Variants in GRM7 observed in about 807,000 individuals in gnomAD.
GRM7 encodes glutamate metabotropic receptor 7, also known as metabotropic glutamate receptor 7.
Under a neutral mutation model 84.5 loss-of-function variants are expected in GRM7, and 35 were observed. The observed-to-expected ratio is 0.41, with a 90% CI of 0.32 to 0.55. GRM7 has a LOEUF of 0.55. GRM7 is among the 20% of genes least tolerant of loss of function. GRM7 has a pLI of 0.19. For synonymous variants in GRM7, 487 were observed against 455.1 expected (o/e 1.07, Z -0.89); for missense variants, 1,003 against 1,194.6 (o/e 0.84, Z 2.36).
intron 5 of GRM7, among the ~76,000 whole-genome samples, chr3:7,450,423 C>G (rs1211594962): frequency 2.0e-5 from 3 of 152,122 alleles, no homozygotes; most frequent in African/African-American, 7.2e-5. Flanking sequence ...AACTCCTCCA[C>G]TTCTCAAAAT....
intron 7 of GRM7, among the ~76,000 whole-genome samples, chr3:7,565,283 G>A (rs1362530866): frequency 1.3e-5 from 2 of 152,100 alleles, no homozygotes; most frequent in African/African-American, 4.8e-5. Flanking sequence ...CAATTCAATT[G>A]CATTTCTTCC....
chr3:7,042,807 C>T (rs1184388262), intron 1 of GRM7, among the ~76,000 whole-genome samples: 5 of 152,052 alleles, frequency 3.3e-5, no homozygotes, highest in Non-Finnish European at 7.4e-5. Context: ...TTATTTTCCT[C>T]CCAAATATTG....
intron 9 of GRM7, among the ~76,000 whole-genome samples, chr3:7,712,320 G>C (rs758475001): frequency 6.6e-6 from 1 of 152,160 alleles, no homozygotes; most frequent in Non-Finnish European, 1.5e-5. Flanking sequence ...AACATAGGTT[G>C]GGTGGGGGCT....
intron 1 of GRM7, among the ~76,000 whole-genome samples, chr3:7,104,479 T>G (rs988853144): frequency 6.6e-6 from 1 of 151,820 alleles, no homozygotes; most frequent in Non-Finnish European, 1.5e-5. Flanking sequence ...TATTTTCTCT[T>G]TATAAATTAT....
chr3:7,267,808 T>C (rs565226464), intron 2 of GRM7, among the ~76,000 whole-genome samples: 6 of 152,320 alleles, frequency 3.9e-5, no homozygotes, highest in Admixed American at 1.3e-4. Context: ...TGGTGAGTTT[T>C]GGCTCTTTGC....
intron 9 of GRM7, among the ~76,000 whole-genome samples, chr3:7,727,507 A>G (rs1702170052): frequency 6.6e-6 from 1 of 152,196 alleles, no homozygotes; most frequent in African/African-American, 2.4e-5. Flanking sequence ...ACAAATGTAT[A>G]TGAAATATAA....
intron 4 of GRM7, among the ~76,000 whole-genome samples, chr3:7,336,034 C>G (rs1701406046): frequency 6.6e-6 from 1 of 151,910 alleles, no homozygotes; most frequent in South Asian, 2.1e-4. Context: ...GGAATTCTCC[C>G]TAAATCATTC....
intron 4 of GRM7, among the ~76,000 whole-genome samples, chr3:7,330,850 C>T (rs559722176): frequency 1.3e-5 from 2 of 152,252 alleles, no homozygotes; most frequent in African/African-American, 4.8e-5. Flanking sequence ...TACTTTCACA[C>T]CTAGAGACAG....
chr3:7,454,090 A>ACTCTCTCTCTCTCTCT (rs58338960), intron 6 of GRM7, among the ~76,000 whole-genome samples: 34 of 140,192 alleles, frequency 2.4e-4, no homozygotes, highest in African/African-American at 8.1e-4. Flanking sequence ...CTACACACAC[A>ACTCTCTCTCTCTCTCT]CTCTCTCTCT....
intron 4 of GRM7, among the ~76,000 whole-genome samples, chr3:7,413,068 C>A (rs2125177423): frequency 6.6e-6 from 1 of 152,188 alleles, no homozygotes; most frequent in Non-Finnish European, 1.5e-5. Flanking sequence ...CCCTCTGTTC[C>A]ACCTTGGTAA....
intron 2 of GRM7, among the ~76,000 whole-genome samples, chr3:7,182,726 T>C (rs1695381366): frequency 6.6e-6 from 1 of 152,166 alleles, no homozygotes; most frequent in Non-Finnish European, 1.5e-5. Flanking sequence ...AGAAGCCATG[T>C]CTAGGGTAAA....
chr3:7,352,478 A>G (rs1693204358), intron 4 of GRM7, among the ~76,000 whole-genome samples: 1 of 152,128 alleles, frequency 6.6e-6, no homozygotes, highest in South Asian at 2.1e-4. Flanking sequence ...AATGTTTCTA[A>G]GTATGCCCTG....
At chr3:7,465,965 A>G (rs1382764103) in intron 7 of GRM7, among the ~76,000 whole-genome samples, 1 of 152,144 alleles carries the variant, frequency 6.6e-6, no homozygotes, top group Admixed American at 6.5e-5. Flanking sequence ...AGATGACTGC[A>G]TGGTTAGCTA....
rs1460872289 is a variant in GRM7, at chr3:6,944,070, C to CT, written c.519+82170dup. 5.3e-5 allele frequency among the ~76,000 whole-genome samples: 8 copies of CT among 152,000 alleles called. No individual in the cohort carries two copies. The South Asian group carries it at 1.7e-3, about 31-fold the overall frequency. On this transcript the variant is annotated intron_variant, in intron 1 of 9. Transcript: ENST00000357716. Reference sequence around the variant, plus strand: ...TAAACTCATTTTTTAGTTTTATAAACTTTTTTTGTGAATTCCACCTGATTT... The same window carrying CT: ...TAAACTCATTTTTTAGTTTTATAAACTTTTTTTTGTGAATTCCACCTGATTT...
intron 7 of GRM7, among the ~76,000 whole-genome samples, chr3:7,466,641 CAATT>C (rs1698470387): frequency 6.6e-6 from 1 of 152,136 alleles, no homozygotes; most frequent in South Asian, 2.1e-4. Flanking sequence ...GCCAAAATGT[CAATT>C]AAAGCATTTT....
At chr3:7,096,566 C>A (rs2125014694) in intron 1 of GRM7, among the ~76,000 whole-genome samples, 1 of 152,208 alleles carries the variant, frequency 6.6e-6, no homozygotes, top group Admixed American at 6.6e-5. Flanking sequence ...GCAGGAACTT[C>A]ATTGAGCTTC....
At chr3:7,251,268 A>C (rs1015627252) in intron 2 of GRM7, among the ~76,000 whole-genome samples, 2 of 152,024 alleles carry the variant, frequency 1.3e-5, no homozygotes, top group Non-Finnish European at 2.9e-5. Context: ...TAATGCTTTC[A>C]ATGCAGGTAA....
intron 8 of GRM7, among the ~76,000 whole-genome samples, chr3:7,615,019 T>TA (rs1300060459): frequency 1.3e-5 from 2 of 152,204 alleles, no homozygotes; most frequent in East Asian, 3.8e-4. Flanking sequence ...AGTTACATTT[T>TA]AAAGGTGGCA....
rs6782787 is a variant in GRM7 at position 6,989,214 on chromosome 3, T to C, written c.519+127307T>C. 5.8e-3 allele frequency among the ~76,000 whole-genome samples: 887 copies of C among 152,354 alleles called. 5 individuals are homozygous for C. The highest frequency in any genetic ancestry group is 0.02 in the African/African-American group (828 of 41,580). On this transcript the variant is annotated intron_variant, in intron 1 of 9. Coordinates refer to ENST00000357716, the MANE Select transcript of GRM7 (RefSeq NM_000844.4). ...GTTCAAATAGCAGTCTGGAAGGCCA[T>C]TCTTTGGTTCAAAAGAAATTATGTA...
Sources: gnomAD v4.1 joint callset for allele counts (sites outside exome capture counted in the v4.1 genomes callset) on GRCh38, gnomAD v4.1.1 for gene constraint, MANE v1.5 for transcripts, NCBI Gene and HGNC (gene_info 2026-07-23, HGNC 2026-07-21) for gene names.